The following ASAP3 variants were observed in gnomAD, a reference collection of about 807,000 sequenced individuals.
ASAP3 encodes arf-GAP with SH3 domain, ANK repeat and PH domain-containing protein 3.
A neutral mutation model predicts 118.2 loss-of-function variants in ASAP3; 85 were observed. The ratio of observed to expected loss-of-function variants is 0.72; its 90% confidence interval spans 0.60 to 0.86. The LOEUF is 0.86. Ranked by LOEUF, ASAP3 falls within the 40% of genes least tolerant of loss-of-function variation. ASAP3 has a pLI of 0.00. For synonymous variants in ASAP3, 432 were observed against 477.4 expected (o/e 0.90, Z 1.24); for missense variants, 1,026 against 1,175.0 (o/e 0.87, Z 1.85).
At chr1:23,460,496 G>A (rs1390244300) in intron 1 of ASAP3, among the ~76,000 whole-genome samples, 34 of 108,132 alleles carry the variant, frequency 3.1e-4, no homozygotes, top group African/African-American at 1.3e-3. Flanking sequence ...GACAGAGTGA[G>A]ACTCCATCTC....
chr1:23,451,619 T>C, intron 4 of ASAP3, 91 bp from the exon 5 acceptor site: 1 of 1,387,366 alleles, frequency 7.2e-7, no homozygotes. Flanking sequence ...GACCTGCTAG[T>C]GTGCTCCCCT....
In ASAP3 at chr1:23,442,171, C is replaced by T. The variant is rs779172213; in HGVS notation, c.671+15G>A. 15 of 1,585,216 alleles carry T rather than the reference C, an allele frequency of 9.5e-6. No homozygotes were observed. The highest frequency in any genetic ancestry group is 6.8e-5 in the East Asian group (3 of 44,174). On this transcript the variant is annotated intron_variant, in intron 7 of 24. Transcript: ENST00000336689. ...ACTGGAAGGGTTAGTGGCAGGGACG[C>T]GGGAAGATACCTACTTGTGCTGGGC... is the stretch of plus-strand genomic sequence containing the variant.
At chr1:23,461,677 A>AC (rs140073675) in intron 1 of ASAP3, among the ~76,000 whole-genome samples, 14,286 of 133,808 alleles carry the variant, frequency 0.11, 805 homozygotes, top group Middle Eastern at 0.17. Context: ...ACCCCCCCAC[A>AC]AAAAAAAAAA....
intron 1 of ASAP3, among the ~76,000 whole-genome samples, chr1:23,472,424 C>T (rs1051251745): frequency 2.6e-5 from 4 of 152,132 alleles, no homozygotes; most frequent in Admixed American, 6.6e-5. Flanking sequence ...ATCCTCCCAC[C>T]TTGGCGTCCC....
At chr1:23,483,944 T>A (rs1235414778) in intron 1 of ASAP3, 61 bp downstream of exon 1, 3 of 1,238,860 alleles carry the variant, frequency 2.4e-6, no homozygotes, top group Non-Finnish European at 3.0e-6. Context: ...GCGACACGCC[T>A]GTGGAGGTCA....
Position 23,436,599 on chromosome 1 carries a change from G to A in ASAP3, c.1532C>T (p.Pro511Leu). ...SFNEVMEAQL[P>L]SHGGPKPSAE... ...TGAGGGTTTAGGGCCGCCGTGTGAG[G>A]GTAGCTGGGCCTCCATGACCTCATT... Residue 511 changes from proline to leucine, a missense_variant, in exon 16 of 25, where the codon CCC becomes CTC. Transcript: ENST00000336689. This position sits in a 1 kb window ranked among gnomAD's most constrained non-coding sequence, Gnocchi z 4.2. 3.7e-6 allele frequency: 6 copies of A among 1,614,206 alleles called. No homozygotes were observed. Among genetic ancestry groups the A allele is most frequent in the African/African-American group, 1.3e-5 (1 of 75,038 alleles).
intron 1 of ASAP3, among the ~76,000 whole-genome samples, chr1:23,478,695 G>A (rs1642210626): frequency 1.3e-5 from 2 of 152,044 alleles, no homozygotes; most frequent in African/African-American, 4.8e-5. Context: ...GGGAGGTGGA[G>A]GTCACAGTGA....
chr1:23,481,871 T>C (rs1461630355), intron 1 of ASAP3, among the ~76,000 whole-genome samples: 1 of 152,112 alleles, frequency 6.6e-6, no homozygotes, highest in Non-Finnish European at 1.5e-5. Context: ...AACCATGAAA[T>C]CCCTAAGAAT....
intron 1 of ASAP3, among the ~76,000 whole-genome samples, chr1:23,482,334 C>G (rs927386540): frequency 6.6e-6 from 1 of 152,188 alleles, no homozygotes; most frequent in African/African-American, 2.4e-5. Context: ...ACAGCCTGAC[C>G]AACATGGTGA....
intron 3 of ASAP3, among the ~76,000 whole-genome samples, chr1:23,453,103 C>T (rs1212349073): frequency 6.6e-6 from 1 of 152,132 alleles, no homozygotes; most frequent in Non-Finnish European, 1.5e-5. Flanking sequence ...CCAGCCTCAT[C>T]GCTGCACTGC....
chr1:23,478,935 G>A (rs1324674264), intron 1 of ASAP3, among the ~76,000 whole-genome samples: 1 of 152,154 alleles, frequency 6.6e-6, no homozygotes, highest in African/African-American at 2.4e-5. Flanking sequence ...AATCGCCATA[G>A]ATACTTCTGA....
chr1:23,449,564 G>A (rs1425276120), intron 5 of ASAP3, among the ~76,000 whole-genome samples: 2 of 152,082 alleles, frequency 1.3e-5, no homozygotes, highest in African/African-American at 4.8e-5. Flanking sequence ...GGAACTTACG[G>A]CTCACGCATA....
Position 23,452,892 on chromosome 1 carries a change from G to A in ASAP3, c.349-121C>T, listed in dbSNP as rs1641266901. 7 of 952,650 alleles carry A rather than the reference G, an allele frequency of 7.3e-6. No homozygotes were observed. In the South Asian group the frequency reaches 8.5e-5, roughly 12 times the overall value. 59.0% of individuals were successfully genotyped at this position (952,650 alleles called of 1,614,324 possible). A position where few individuals can be genotyped will look rare whatever the true frequency, so the allele number is the denominator to read the frequency against. On this transcript the variant is annotated intron_variant, in intron 3 of 24. Coordinates refer to ENST00000336689, the MANE Select transcript of ASAP3 (RefSeq NM_017707.4). The stretch of plus-strand genomic sequence containing the variant: ...CAGCGGGGAAGGGAAGTAGGGGAGA[G>A]GAAAAGATGTTATCAAAGAGATGAC...
At chr1:23,434,835 C>T (rs1640580003) in intron 17 of ASAP3, among the ~76,000 whole-genome samples, 1 of 152,202 alleles carries the variant, frequency 6.6e-6, no homozygotes, top group African/African-American at 2.4e-5. Context: ...CCTCTGCCCC[C>T]AACAAGTGTT....
chr1:23,468,079 T>C (rs1464286991), intron 1 of ASAP3, among the ~76,000 whole-genome samples: 1 of 152,142 alleles, frequency 6.6e-6, no homozygotes, highest in Non-Finnish European at 1.5e-5. Flanking sequence ...GCAGTCATCA[T>C]TTTTGTTCCC....
intron 1 of ASAP3, among the ~76,000 whole-genome samples, chr1:23,467,067 T>C (rs1405773120): frequency 6.6e-6 from 1 of 152,034 alleles, no homozygotes; most frequent in Non-Finnish European, 1.5e-5. Flanking sequence ...TTTCACCATG[T>C]TGGCCAGGCT....
In ASAP3 at chr1:23,436,582, T is replaced by C. The variant is rs201865670; in HGVS notation, c.1549A>G (p.Lys517Glu). Residue 517 changes from lysine (K) to glutamate (E), a missense_variant, in exon 16 of 25, where the codon AAA (lysine) becomes GAA (glutamate). Coordinates refer to ENST00000336689, the MANE Select transcript of ASAP3 (RefSeq NM_017707.4). The surrounding 1 kb of genome is among the most constrained non-coding windows in gnomAD (Gnocchi z 4.2). ...EAQLPSHGGP[K>E]PSAESDMGTR... ...TACATGTCACTCTCAGCTGAGGGTTTAGGGCCGCCGTGTGAGGGTAGCTGG... is the reference window on the plus strand; with the variant it reads ...TACATGTCACTCTCAGCTGAGGGTTCAGGGCCGCCGTGTGAGGGTAGCTGG... The C allele has an allele frequency of 1.9e-6, 3 of 1,614,202 alleles. No homozygotes were observed. The East Asian group carries it at 6.7e-5, about 36-fold the overall frequency.
chr1:23,482,439 T>G (rs1642335760), intron 1 of ASAP3, among the ~76,000 whole-genome samples: 1 of 151,954 alleles, frequency 6.6e-6, no homozygotes, highest in South Asian at 2.1e-4. Flanking sequence ...TGAGAATTGC[T>G]TGAACCCGGG....
At chr1:23,462,172 C>T (rs999069901) in intron 1 of ASAP3, among the ~76,000 whole-genome samples, 17 of 151,836 alleles carry the variant, frequency 1.1e-4, no homozygotes, top group Non-Finnish European at 1.6e-4. Flanking sequence ...TATAGGCGCC[C>T]GCCACCACGC....
Sources: gnomAD v4.1 joint callset for allele counts (sites outside exome capture counted in the v4.1 genomes callset) on GRCh38, gnomAD v4.1.1 for gene constraint, Gnocchi (gnomAD v3.1) non-coding constraint, MANE v1.5 for transcripts, NCBI Gene and HGNC (gene_info 2026-07-23, HGNC 2026-07-21) for gene names.